Variants in CPN2 observed in about 807,000 individuals in gnomAD.
CPN2 encodes carboxypeptidase N subunit 2.
For synonymous variants in CPN2, 336 were observed against 318.4 expected, an observed-to-expected ratio of 1.06 and a Z score of -0.59; for missense variants, 620 against 671.4, an observed-to-expected ratio of 0.92 and a Z score of 0.85.
At chr3:194,347,199 G>GT (rs796841588) in intron 1 of CPN2, among the ~76,000 whole-genome samples, 45 of 148,920 alleles carry the variant, frequency 3.0e-4, no homozygotes, top group Middle Eastern at 3.4e-3. Context: ...TTTAAATGGG[G>GT]TTTTTTTTTT....
intron 1 of CPN2, among the ~76,000 whole-genome samples, chr3:194,346,432 G>A (rs980898756): frequency 5.3e-5 from 8 of 152,166 alleles, no homozygotes; most frequent in African/African-American, 1.7e-4. Flanking sequence ...GTCTACTGGG[G>A]CAGGGAGCAG....
At chr3:194,350,754 G>T (rs547381658) in intron 1 of CPN2, among the ~76,000 whole-genome samples, 7 of 152,178 alleles carry the variant, frequency 4.6e-5, no homozygotes, top group Non-Finnish European at 1.0e-4. Flanking sequence ...TACTCAGCAG[G>T]CTGAGTGGGA....
At chr3:194,350,422 C>T (rs1300667348) in intron 1 of CPN2, among the ~76,000 whole-genome samples, 2 of 152,204 alleles carry the variant, frequency 1.3e-5, no homozygotes, top group African/African-American at 4.8e-5. Flanking sequence ...GATTCTGACG[C>T]CATCACCTAC....
At position 194,340,133 on chromosome 3, in the gene CPN2, C is replaced by G. The variant is rs368945154; in HGVS notation, c.*932G>C. ...TGCAGGGGAAGCTCTCAGCAGACTT[C>G]AGAGAGAGAGAGAGCAGGTTGTAAA... On this transcript the variant is annotated 3_prime_UTR_variant, in exon 2 of 2. Coordinates refer to ENST00000323830, the MANE Select transcript of CPN2 (RefSeq NM_001080513.4). The G allele has an allele frequency of 5.3e-5, 8 of 151,526 alleles. No individual in the cohort carries two copies. The highest frequency in any genetic ancestry group is 4.2e-4 in the South Asian group (2 of 4,810). 9.4% of individuals were successfully genotyped at this position (151,526 alleles called of 1,614,324 possible).
At chr3:194,349,862 C>T (rs1333267200) in intron 1 of CPN2, among the ~76,000 whole-genome samples, 3 of 135,410 alleles carry the variant, frequency 2.2e-5, no homozygotes, top group Admixed American at 8.5e-5. Flanking sequence ...AGTGCAGTGA[C>T]GCCATCTCTG....
rs377693596 is a variant in CPN2 at position 194,348,881 on chromosome 3, C to A, written c.-4+2361G>T. 9.9e-5 allele frequency among the ~76,000 whole-genome samples: 15 copies of A among 151,514 alleles called. No individual in the cohort carries two copies. In the South Asian group the frequency reaches 1.9e-3, roughly 19 times the overall value. On this transcript the variant is annotated intron_variant, in intron 1 of 1. Coordinates refer to ENST00000323830, the MANE Select transcript of CPN2 (RefSeq NM_001080513.4). ...GCACTCCAGCGTGAGAAGGGGGAGA[C>A]CTTGTCTCAAAAAAATAGAATAAAA...
At chr3:194,349,716 C>A (rs1162196395) in intron 1 of CPN2, among the ~76,000 whole-genome samples, 1 of 150,328 alleles carries the variant, frequency 6.7e-6, no homozygotes, top group East Asian at 2.0e-4. Context: ...CCAATTTATA[C>A]CCACCCTCCC....
intron 1 of CPN2, among the ~76,000 whole-genome samples, chr3:194,346,012 G>A (rs998098411): frequency 2.6e-5 from 4 of 152,268 alleles, no homozygotes; most frequent in Admixed American, 6.5e-5. Context: ...CTCGGGAGAT[G>A]CAGGCAGAGG....
At chr3:194,347,691 C>CCCTCTGCCCAGTTCAGCCCAACCCAT (rs1713099312) in intron 1 of CPN2, among the ~76,000 whole-genome samples, 1 of 14,370 alleles carries the variant, frequency 7.0e-5, no homozygotes, top group African/African-American at 2.2e-4. Context: ...GCCCACCCCA[C>CCCTCTGCCCAGTTCAGCCCAACCCAT]CCTCTGCCCA....
chr3:194,342,198 T>A lies in CPN2; in HGVS notation c.505A>T (p.Thr169Ser). The A allele has an allele frequency of 1.9e-6, 3 of 1,613,978 alleles. No individual in the cohort carries two copies. Among genetic ancestry groups the A allele is most frequent in the South Asian group, 2.2e-5 (2 of 91,068 alleles). ...ALPRRLFQPL[T>S]HLKTLNLAQN... Reference sequence around the variant, plus strand: ...GCCAGGTTGAGTGTCTTCAGATGGGTCAGAGGCTGGAAGAGCCTCCTGGGC... The same window carrying A: ...GCCAGGTTGAGTGTCTTCAGATGGGACAGAGGCTGGAAGAGCCTCCTGGGC... Residue 169 changes from threonine (T) to serine (S), a missense_variant, in exon 2 of 2, where the codon ACC becomes TCC. Coordinates refer to ENST00000323830, the MANE Select transcript of CPN2 (RefSeq NM_001080513.4).
At position 194,340,183 on chromosome 3, in the gene CPN2, G is replaced by T. The variant is rs770626451; in HGVS notation, c.*882C>A. On this transcript the variant is annotated 3_prime_UTR_variant, in exon 2 of 2. Coordinates refer to ENST00000323830, the MANE Select transcript of CPN2 (RefSeq NM_001080513.4). ...ACTGTTTCTTATCGACTTAAAAGGG[G>T]TGCCTGGCTCTTAGTTGATGATCTC... 1 of 152,176 alleles carries T rather than the reference G, an allele frequency of 6.6e-6. No individual in the cohort carries two copies. Among genetic ancestry groups the T allele is most frequent in the African/African-American group, 2.4e-5 (1 of 41,444 alleles). The allele number at this position is 152,176 out of a possible 1,614,324, so 9.4% of individuals were successfully genotyped here. A position where few individuals can be genotyped will look rare whatever the true frequency, so the allele number is the denominator to read the frequency against.
At position 194,341,567 on chromosome 3, in the gene CPN2, C is replaced by A. The variant is rs1712823483; in HGVS notation, c.1136G>T (p.Gly379Val). 6.2e-7 allele frequency: 1 copy of A among 1,614,128 alleles called. No homozygotes were observed. Among genetic ancestry groups the A allele is most frequent in the Non-Finnish European group, 8.5e-7 (1 of 1,180,032 alleles). Residue 379 changes from glycine to valine, a missense_variant, in exon 2 of 2, where the codon GGC becomes GTC. Gly to Val is a moderately radical substitution (Grantham distance 109, BLOSUM62 -3). Transcript: ENST00000323830. The stretch of plus-strand genomic sequence containing the variant: ...CAGGTTGTAGTTGGTGTCGAAGATG[C>A]CCTCCGGAAGTGTGGTCAGCTGGTT... ...SKNQLTTLPE[G>V]IFDTNYNLFN...
Position 194,341,512 on chromosome 3 carries a change from C to T in CPN2, c.1191G>A (p.Trp397Ter). The T allele has an allele frequency of 6.2e-7, 1 of 1,614,174 alleles. No homozygotes were observed. The highest frequency in any genetic ancestry group is 8.5e-7 in the Non-Finnish European group (1 of 1,180,036). ...GGTAGGCCAGGTGGCAGTCGCACTG[C>T]CAGGGGTTACCGTGCAGGGCCAGGT... Reference protein sequence around the residue: ...LFNLALHGNPWQCDCHLAYLF... With the variant: ...LFNLALHGNP Residue 397 changes from tryptophan to a stop codon, truncating the protein, a stop_gained, in exon 2 of 2, where the codon TGG (tryptophan) becomes TGA (stop). Coordinates refer to ENST00000323830, the MANE Select transcript of CPN2 (RefSeq NM_001080513.4). LOFTEE classifies it low-confidence loss of function (END_TRUNC).
chr3:194,345,331 T>C (rs1713006817), intron 1 of CPN2, among the ~76,000 whole-genome samples: 1 of 152,146 alleles, frequency 6.6e-6, no homozygotes, highest in Non-Finnish European at 1.5e-5. Flanking sequence ...TTTTGTTTAA[T>C]TTTATTATTT....
intron 1 of CPN2, among the ~76,000 whole-genome samples, chr3:194,345,649 G>A (rs954840889): frequency 1.2e-4 from 18 of 152,214 alleles, no homozygotes; most frequent in Admixed American, 1.0e-3. Flanking sequence ...GAGACCAGCT[G>A]GCCTCCTCCC....
chr3:194,343,249 C>T (rs1712932627), intron 1 of CPN2, among the ~76,000 whole-genome samples: 1 of 152,126 alleles, frequency 6.6e-6, no homozygotes, highest in Non-Finnish European at 1.5e-5. Flanking sequence ...GACCCCAGAC[C>T]TGGGGATTCT....
chr3:194,350,797 C>T (rs1044249273), intron 1 of CPN2, among the ~76,000 whole-genome samples: 2 of 151,832 alleles, frequency 1.3e-5, no homozygotes, highest in African/African-American at 4.8e-5. Flanking sequence ...CAAGACCAGC[C>T]TGAGCAACAT....
At chr3:194,346,151 G>C (rs904842091) in intron 1 of CPN2, among the ~76,000 whole-genome samples, 1 of 152,218 alleles carries the variant, frequency 6.6e-6, no homozygotes, top group African/African-American at 2.4e-5. Flanking sequence ...GCAGACTGGG[G>C]CTCCCGGAGC....
chr3:194,347,769 C>T (rs112954915), intron 1 of CPN2, among the ~76,000 whole-genome samples: 39 of 107,992 alleles, frequency 3.6e-4, no homozygotes, highest in African/African-American at 1.5e-3. Flanking sequence ...GCCCACCCCA[C>T]CCTCTGCCCA....
Sources: gnomAD v4.1 joint callset for allele counts (sites outside exome capture counted in the v4.1 genomes callset) on GRCh38, gnomAD v4.1.1 for gene constraint, MANE v1.5 for transcripts, NCBI Gene and HGNC (gene_info 2026-07-23, HGNC 2026-07-21) for gene names.